Variants in C16orf74 observed in about 807,000 individuals in gnomAD.
C16orf74 encodes the protein calcimembrin.
C16orf74 carries 10 observed loss-of-function variants against 6.5 expected under a neutral mutation model. The ratio of observed to expected loss-of-function variants is 1.54; its 90% CI spans 0.95 to 2.61. C16orf74 has a LOEUF of 2.61. C16orf74 is among the 30% of genes most tolerant of loss of function. C16orf74 has a pLI of 0.00. For missense variants in C16orf74, 141 were observed against 105.9 expected (o/e 1.33, Z -1.45); for synonymous variants, 60 against 42.5 (o/e 1.41, Z -1.60).
intron 2 of C16orf74, among the ~76,000 whole-genome samples, chr16:85,722,126 T>G (rs1330001187): frequency 6.6e-6 from 1 of 151,806 alleles, no homozygotes; most frequent in African/African-American, 2.4e-5. Flanking sequence ...GCCCCCTAAG[T>G]AAGCTGGGAT....
At chr16:85,741,858 C>A (rs1378129291) in intron 1 of C16orf74, among the ~76,000 whole-genome samples, 1 of 152,178 alleles carries the variant, frequency 6.6e-6, no homozygotes, top group Non-Finnish European at 1.5e-5. Flanking sequence ...AGAGTTGTCA[C>A]CATCATCTTC....
At chr16:85,735,765 G>T (rs1024446698) in intron 1 of C16orf74, among the ~76,000 whole-genome samples, 1 of 151,272 alleles carries the variant, frequency 6.6e-6, no homozygotes, top group Non-Finnish European at 1.5e-5. Context: ...CCCAGCCCAC[G>T]GGTATTAGAA....
intron 1 of C16orf74, among the ~76,000 whole-genome samples, chr16:85,748,658 G>C (rs1012055698): frequency 6.6e-6 from 1 of 152,154 alleles, no homozygotes; most frequent in Non-Finnish European, 1.5e-5. Flanking sequence ...CCATAGAAAG[G>C]AATGTCTGGG....
intron 1 of C16orf74, among the ~76,000 whole-genome samples, chr16:85,744,496 TGAA>T (rs1009019423): frequency 2.6e-5 from 4 of 152,086 alleles, no homozygotes; most frequent in Admixed American, 6.5e-5. Flanking sequence ...CACAACAGCT[TGAA>T]GAAGAACAGG....
intron 1 of C16orf74, among the ~76,000 whole-genome samples, chr16:85,741,170 G>A (rs994337896): frequency 5.9e-5 from 9 of 152,116 alleles, no homozygotes; most frequent in Admixed American, 3.3e-4. Flanking sequence ...GGCAGGATGC[G>A]GGCGGCAGCA....
At chr16:85,736,606 T>A (rs957620047) in intron 1 of C16orf74, among the ~76,000 whole-genome samples, 3 of 151,944 alleles carry the variant, frequency 2.0e-5, no homozygotes, top group African/African-American at 7.3e-5. Context: ...GGAACAGGCT[T>A]GGGCCAGCTG....
intron 2 of C16orf74, among the ~76,000 whole-genome samples, chr16:85,734,142 C>G (rs2054219592): frequency 6.6e-6 from 1 of 152,186 alleles, no homozygotes. Flanking sequence ...TCTAAAAGCC[C>G]TAAGCCTGCC....
chr16:85,714,205 C>T, intron 2 of C16orf74, among the ~76,000 whole-genome samples: 1 of 152,018 alleles, frequency 6.6e-6, no homozygotes, highest in East Asian at 1.9e-4. Flanking sequence ...CCCTGGGACA[C>T]ACGGCTGGTG....
intron 3 of C16orf74, among the ~76,000 whole-genome samples, chr16:85,708,570 T>C (rs2053936459): frequency 1.3e-5 from 2 of 152,206 alleles, no homozygotes; most frequent in Admixed American, 1.3e-4. Context: ...TCTCTGGACC[T>C]GTTTGTTTCC....
intron 2 of C16orf74, among the ~76,000 whole-genome samples, chr16:85,727,592 T>C (rs1311415092): frequency 6.8e-6 from 1 of 147,198 alleles, no homozygotes; most frequent in Non-Finnish European, 1.5e-5. Context: ...GGAGGATAGC[T>C]TGAGCCCAGG....
intron 2 of C16orf74, among the ~76,000 whole-genome samples, chr16:85,731,746 G>A (rs1416258807): frequency 6.6e-6 from 1 of 152,042 alleles, no homozygotes; most frequent in African/African-American, 2.4e-5. Flanking sequence ...GGAGTGCAGT[G>A]GTGTGATCAC....
chr16:85,709,585 A>G (rs1202615531), intron 3 of C16orf74, among the ~76,000 whole-genome samples: 5 of 152,032 alleles, frequency 3.3e-5, no homozygotes, highest in Admixed American at 1.3e-4. Flanking sequence ...TCTCTGCTCA[A>G]TGAATACATG....
intron 2 of C16orf74, among the ~76,000 whole-genome samples, chr16:85,720,968 G>A (rs1000093546): frequency 6.6e-6 from 1 of 152,070 alleles, no homozygotes; most frequent in African/African-American, 2.4e-5. Flanking sequence ...GTGGGCACCT[G>A]TAATCCCAGC....
At chr16:85,708,463 C>A (rs568179496) in intron 3 of C16orf74, among the ~76,000 whole-genome samples, 46 of 152,292 alleles carry the variant, frequency 3.0e-4, no homozygotes, top group Non-Finnish European at 6.0e-4. Context: ...ACACTGGGCT[C>A]TCTGATTAGA....
chr16:85,716,232 T>C (rs1322395952), intron 2 of C16orf74, among the ~76,000 whole-genome samples: 1 of 148,930 alleles, frequency 6.7e-6, no homozygotes. Context: ...GGCAGAAGTC[T>C]CGGAGGAGAG....
At chr16:85,717,238 G>C (rs1257029136) in intron 2 of C16orf74, among the ~76,000 whole-genome samples, 2 of 152,230 alleles carry the variant, frequency 1.3e-5, no homozygotes, top group Admixed American at 6.5e-5. Flanking sequence ...TTGAGACCCG[G>C]CTCTGGGCCC....
rs541258233 is a variant in C16orf74 at position 85,715,818 on chromosome 16, C to G, written c.29-5511G>C. On this transcript the variant is annotated intron_variant, in intron 2 of 3. Coordinates refer to ENST00000284245, the MANE Select transcript of C16orf74 (RefSeq NM_206967.3). ...GAACCTCGAAAGCCTGAGGCTTGTT[C>G]GTGCCAAAAACAAAAGCCACAGCCA... Among the ~76,000 whole-genome samples, 453 of 152,242 alleles carry G rather than the reference C, an allele frequency of 3.0e-3. 3 individuals are homozygous for G. The highest frequency in any genetic ancestry group is 0.01 in the African/African-American group (421 of 41,542).
chr16:85,733,487 A>C (rs540919743), intron 2 of C16orf74, among the ~76,000 whole-genome samples: 3 of 152,350 alleles, frequency 2.0e-5, no homozygotes, highest in East Asian at 3.9e-4. Flanking sequence ...ATGGTTGCAC[A>C]ACACTGTGAA....
Position 85,746,289 on chromosome 16 carries a change from G to A in C16orf74, c.-19+4637C>T, listed in dbSNP as rs375612834. 3.0e-4 allele frequency among the ~76,000 whole-genome samples: 45 copies of A among 152,334 alleles called. 1 individual carries two copies. Among genetic ancestry groups the A allele is most frequent in the African/African-American group, 1.1e-3 (44 of 41,588 alleles). On this transcript the variant is annotated intron_variant, in intron 1 of 3. Coordinates refer to ENST00000284245, the MANE Select transcript of C16orf74 (RefSeq NM_206967.3). Reference sequence around the variant, plus strand: ...CGCTTGAACTTGGGAGACAGAGGCTGCAGCTAGTGGAGATCGCGCCACTGC... The same window carrying A: ...CGCTTGAACTTGGGAGACAGAGGCTACAGCTAGTGGAGATCGCGCCACTGC...
Sources: gnomAD v4.1 joint callset for allele counts (sites outside exome capture counted in the v4.1 genomes callset) on GRCh38, gnomAD v4.1.1 for gene constraint, MANE v1.5 for transcripts, NCBI Gene and HGNC (gene_info 2026-07-23, HGNC 2026-07-21) for gene names.